Variants in GRAMD1B observed in about 807,000 individuals in gnomAD.
The protein encoded by GRAMD1B is GRAM domain containing 1B.
Under a neutral mutation model 99.7 loss-of-function variants are expected in GRAMD1B, and 37 were observed. The ratio of observed to expected loss-of-function variants is 0.37; its 90% CI spans 0.29 to 0.49. The LOEUF (loss-of-function observed/expected upper bound fraction) is 0.49, where lower values mean the gene tolerates loss of function less well. Among genes scored for constraint, GRAMD1B ranks in the 20% least tolerant of loss-of-function variants. The pLI is 0.98. For synonymous variants in GRAMD1B, 427 were observed against 387.6 expected (o/e 1.10, Z -1.19); for missense variants, 888 against 1,009.2 (o/e 0.88, Z 1.63).
chr11:123,597,814 A>G (rs1951467732), intron 7 of GRAMD1B: 1 of 618,094 alleles, frequency 1.6e-6, no homozygotes, highest in African/African-American at 1.8e-5. Flanking sequence ...CCTTGTTTCT[A>G]CAAGTTGCAT....
At chr11:123,561,686 A>G (rs889093044) in intron 2 of GRAMD1B, among the ~76,000 whole-genome samples, 3 of 152,208 alleles carry the variant, frequency 2.0e-5, no homozygotes, top group African/African-American at 7.2e-5. Context: ...ACTTGCTAGC[A>G]CACTGTGCTC....
Position 123,625,974 on chromosome 11 carries a change from G to GAGAGAGAGAA in GRAMD1B, c.*3386_*3387insGAAAGAGAGA, listed in dbSNP as rs1396157675. On this transcript the variant is annotated 3_prime_UTR_variant, in exon 20 of 20. Coordinates refer to ENST00000635736, the MANE Select transcript of GRAMD1B (RefSeq NM_001387025.1). Reference sequence around the variant, plus strand: ...AGAGAGAGAGAGAGAGAGAGAGAGAGAGAGAGATCGAGCTTGATGTATTGC... The same window carrying GAGAGAGAGAA: ...AGAGAGAGAGAGAGAGAGAGAGAGAGAGAGAGAGAAAGAGAGATCGAGCTTGATGTATTGC... 2 of 80,498 alleles carry GAGAGAGAGAA rather than the reference G, an allele frequency of 2.5e-5. No homozygotes were observed. Among genetic ancestry groups the GAGAGAGAGAA allele is most frequent in the South Asian group, 1.0e-3 (2 of 1,960 alleles). The allele number at this position is 80,498 out of a possible 1,614,324, so 5.0% of individuals were successfully genotyped here. A position where few individuals can be genotyped will look rare whatever the true frequency, so the allele number is the denominator to read the frequency against.
intron 1 of GRAMD1B, among the ~76,000 whole-genome samples, chr11:123,365,192 A>G (rs1161838638): frequency 6.6e-6 from 1 of 152,140 alleles, no homozygotes; most frequent in Non-Finnish European, 1.5e-5. Context: ...TTCTATTTTT[A>G]AACTATGATT....
chr11:123,604,902 G>A (rs1278878753), intron 9 of GRAMD1B, among the ~76,000 whole-genome samples: 4 of 152,176 alleles, frequency 2.6e-5, no homozygotes, highest in African/African-American at 9.7e-5. Flanking sequence ...TGCCACTTAA[G>A]GAGCGCTCAT....
At chr11:123,447,108 GAA>G (rs909150305) in intron 1 of GRAMD1B, among the ~76,000 whole-genome samples, 1 of 151,152 alleles carries the variant, frequency 6.6e-6, no homozygotes, top group African/African-American at 2.4e-5. Flanking sequence ...ACTAAAGCAT[GAA>G]AAAAAAATTG....
At chr11:123,594,893 C>T in intron 6 of GRAMD1B, 55 bp downstream of exon 6, 1 of 889,610 alleles carries the variant, frequency 1.1e-6, no homozygotes, top group Non-Finnish European at 1.9e-6. Context: ...GCTGAGCAAG[C>T]TGCCCTCGCT....
chr11:123,568,392 G>T (rs988487074), intron 2 of GRAMD1B, among the ~76,000 whole-genome samples: 1 of 152,246 alleles, frequency 6.6e-6, no homozygotes, highest in African/African-American at 2.4e-5. Flanking sequence ...CAACAGTCCA[G>T]TTCCACCTTT....
At chr11:123,480,293 C>T (rs1951521592) in intron 1 of GRAMD1B, among the ~76,000 whole-genome samples, 1 of 152,104 alleles carries the variant, frequency 6.6e-6, no homozygotes, top group African/African-American at 2.4e-5. Flanking sequence ...GACCCCAGAC[C>T]CCATCCAGCC....
At chr11:123,381,621 T>C (rs140608030) in intron 1 of GRAMD1B, 110 of 152,510 alleles carry the variant, frequency 7.2e-4, no homozygotes, top group Admixed American at 2.5e-3. Context: ...GGTTCTAATA[T>C]ATAGGTTGAA....
intron 1 of GRAMD1B, among the ~76,000 whole-genome samples, chr11:123,361,247 G>A (rs1946138643): frequency 6.6e-6 from 1 of 152,194 alleles, no homozygotes; most frequent in Non-Finnish European, 1.5e-5. Context: ...ACACACATCT[G>A]TAATATGTAT....
intron 4 of GRAMD1B, among the ~76,000 whole-genome samples, chr11:123,584,869 G>A (rs1160082890): frequency 1.3e-5 from 2 of 152,166 alleles, no homozygotes; most frequent in African/African-American, 2.4e-5. Flanking sequence ...GTGGCGTGGG[G>A]CCACTGTCTA....
intron 1 of GRAMD1B, among the ~76,000 whole-genome samples, chr11:123,368,694 A>AAG (rs1565453523): frequency 2.0e-5 from 3 of 150,368 alleles, no homozygotes; most frequent in Non-Finnish European, 4.4e-5. Context: ...AAAAAAAAAA[A>AAG]AAAAAAAAGA....
intron 1 of GRAMD1B, among the ~76,000 whole-genome samples, chr11:123,360,966 A>G (rs377520224): frequency 6.6e-6 from 1 of 151,824 alleles, no homozygotes; most frequent in African/African-American, 2.4e-5. Context: ...ACAGGCGCCC[A>G]CCACCATGCT....
intron 2 of GRAMD1B, among the ~76,000 whole-genome samples, chr11:123,523,224 C>T (rs1347862912): frequency 3.3e-5 from 5 of 152,094 alleles, no homozygotes; most frequent in African/African-American, 7.2e-5. Flanking sequence ...CCCAGCTACT[C>T]GGGAGACTGA....
chr11:123,460,754 T>C (rs977485213), intron 1 of GRAMD1B, among the ~76,000 whole-genome samples: 1 of 152,184 alleles, frequency 6.6e-6, no homozygotes, highest in African/African-American at 2.4e-5. Context: ...AAAGGATTCT[T>C]TCTGGAAAAC....
chr11:123,586,826 G>T (rs184796586), intron 4 of GRAMD1B, among the ~76,000 whole-genome samples: 255 of 152,316 alleles, frequency 1.7e-3, no homozygotes, highest in African/African-American at 5.6e-3. Context: ...CAGCTTTGCT[G>T]ACTGTCCCTC....
chr11:123,621,855 GTCTT>G (rs138445124), intron 19 of GRAMD1B, among the ~76,000 whole-genome samples: 11 of 138,912 alleles, frequency 7.9e-5, no homozygotes, highest in Non-Finnish European at 1.6e-4. Context: ...ATGCTAGATT[GTCTT>G]TCTTTCTTTT....
intron 1 of GRAMD1B, among the ~76,000 whole-genome samples, chr11:123,475,594 C>T (rs1450537918): frequency 3.3e-5 from 5 of 152,224 alleles, no homozygotes; most frequent in South Asian, 2.1e-4. Flanking sequence ...TATACAAATT[C>T]CCTTCCTTGC....
chr11:123,450,505 G>C (rs1029913647), intron 1 of GRAMD1B, among the ~76,000 whole-genome samples: 5 of 152,216 alleles, frequency 3.3e-5, no homozygotes, highest in African/African-American at 1.2e-4. Flanking sequence ...TAGAGAGACT[G>C]TCAGCAAATT....
Sources: allele counts gnomAD v4.1 joint callset (sites outside exome capture counted in the v4.1 genomes callset), GRCh38; gene constraint gnomAD v4.1.1; transcripts MANE v1.5; gene names NCBI Gene and HGNC (gene_info 2026-07-23, HGNC 2026-07-21).